The following METTL2A variants were observed in gnomAD, a reference collection of about 807,000 sequenced individuals.
METTL2A encodes tRNA N(3)-cytidine methyltransferase METTL2A.
METTL2A carries 45 observed loss-of-function variants against 49.4 expected under a neutral mutation model. The ratio of observed to expected loss-of-function variants is 0.91; its 90% CI spans 0.72 to 1.17. The LOEUF is 1.17. Ranked by LOEUF, METTL2A falls within the 50% of genes most tolerant of loss-of-function variation. METTL2A has a pLI of 0.00. For synonymous variants in METTL2A, 118 were observed against 167.5 expected, an observed-to-expected ratio of 0.70 and a Z score of 2.28; for missense variants, 361 against 462.2, an observed-to-expected ratio of 0.78 and a Z score of 2.01.
rs753026235 is a variant in METTL2A, at chr17:62,427,752, A to C, written c.559-36A>C. The C allele has an allele frequency of 4.4e-6, 7 of 1,609,174 alleles. No individual in the cohort carries two copies. In the African/African-American group the frequency reaches 8.1e-5, roughly 19 times the overall value. ...TCTAGCTTTAGGGAATTAACTCTGG[A>C]AAGTTCTGTGATTAATAGTTCATTT... On this transcript the variant is annotated intron_variant, in intron 3 of 8. Transcript: ENST00000311506.
intron 5 of METTL2A, among the ~76,000 whole-genome samples, chr17:62,436,122 A>G (rs1200015376): frequency 6.6e-6 from 1 of 152,142 alleles, no homozygotes; most frequent in Non-Finnish European, 1.5e-5. Context: ...GCATACCTGT[A>G]ATTTCAGCTA....
chr17:62,451,100 G>T lies in METTL2A; in HGVS notation c.*2371G>T, dbSNP rs544625677. ...AATCCTAGCATTTTGGGAGCCCAAG[G>T]CAGGAGTTCAAGACCAGGCTGGGTA... On this transcript the variant is annotated 3_prime_UTR_variant, in exon 9 of 9. Coordinates refer to ENST00000311506, the MANE Select transcript of METTL2A (RefSeq NM_181725.4). Among the ~76,000 whole-genome samples the T allele has an allele frequency of 6.6e-6, 1 of 151,498 alleles. No homozygotes were observed. Among genetic ancestry groups the T allele is most frequent in the East Asian group, 2.0e-4 (1 of 5,128 alleles).
Position 62,452,090 on chromosome 17 carries a change from ATAAT to A in METTL2A, c.*3363_*3366del, listed in dbSNP as rs1477723601. Among the ~76,000 whole-genome samples the A allele has an allele frequency of 6.6e-6, 1 of 152,202 alleles. No homozygotes were observed. Among genetic ancestry groups the A allele is most frequent in the Non-Finnish European group, 1.5e-5 (1 of 68,038 alleles). On this transcript the variant is annotated 3_prime_UTR_variant, in exon 9 of 9. Coordinates refer to ENST00000311506, the MANE Select transcript of METTL2A (RefSeq NM_181725.4). ...AAAACAAAAAAAATGTAAAAAATAA[ATAAT>A]TGTATTGAATTTATTAGTTGTGTCT... is the stretch of plus-strand genomic sequence containing the variant.
At chr17:62,430,629 C>A (rs1212374578) in intron 4 of METTL2A, among the ~76,000 whole-genome samples, 1 of 152,156 alleles carries the variant, frequency 6.6e-6, no homozygotes, top group Non-Finnish European at 1.5e-5. Flanking sequence ...TCCTCACATT[C>A]TAGATCAGAA....
Position 62,424,292 on chromosome 17 carries a change from G to A in METTL2A, c.184G>A (p.Val62Met). 6.2e-7 allele frequency: 1 copy of A among 1,613,958 alleles called. No homozygotes were observed. Among genetic ancestry groups the A allele is most frequent in the Non-Finnish European group, 8.5e-7 (1 of 1,179,886 alleles). Residue 62 changes from valine (V) to methionine (M), a missense_variant, in exon 2 of 9, where the codon GTG becomes ATG. By Grantham distance (21) the Val-to-Met change is conservative (BLOSUM62 1). Coordinates refer to ENST00000311506, the MANE Select transcript of METTL2A (RefSeq NM_181725.4). ...AGTCCAGGAGAACAGTATCCAGCGGGTGTGCCAGGAGAAACAAGGTGCGCT... is the reference window on the plus strand; with the variant it reads ...AGTCCAGGAGAACAGTATCCAGCGGATGTGCCAGGAGAAACAAGGTGCGCT... ...RKVQENSIQR[V>M]CQEKQVDYEI...
At position 62,424,181 on chromosome 17, in the gene METTL2A, G is replaced by C. The variant is rs568881186; in HGVS notation, c.111-38G>C. The C allele has an allele frequency of 1.6e-4, 262 of 1,614,064 alleles. 4 individuals carry two copies. The South Asian group carries it at 2.7e-3, about 16-fold the overall frequency. On this transcript the variant is annotated intron_variant, in intron 1 of 8. Transcript: ENST00000311506. ...AGCGACTCACCCTGCCCGCAGCCAGGACGTGAGGCCCCTAAGCTGCCCGTT... is the reference window on the plus strand; with the variant it reads ...AGCGACTCACCCTGCCCGCAGCCAGCACGTGAGGCCCCTAAGCTGCCCGTT...
intron 8 of METTL2A, 136 bp downstream of exon 8, chr17:62,447,902 A>G (rs1311981082): frequency 5.8e-6 from 9 of 1,539,982 alleles, no homozygotes; most frequent in African/African-American, 1.4e-5. Flanking sequence ...CCTGCTGCTC[A>G]CACCCTCTTC....
Position 62,426,636 on chromosome 17 carries a change from C to T in METTL2A, c.540C>T (p.Ala180=). Residue 180 remains alanine (A), a synonymous_variant, in exon 3 of 9, where the codon GCC becomes GCT. Transcript: ENST00000311506. Reference sequence around the variant, plus strand: ...CTGATGAGTTTCCTGGATCCTCAGCCACCTACCGAATACTGGAGGTAACCT... The same window carrying T: ...CTGATGAGTTTCCTGGATCCTCAGCTACCTACCGAATACTGGAGGTAACCT... The part of the protein sequence containing the change: ...ICADEFPGSS[A]TYRILEVGCG... 1 of 1,491,690 alleles carries T rather than the reference C, an allele frequency of 6.7e-7. No individual in the cohort carries two copies. Among genetic ancestry groups the T allele is most frequent in the South Asian group, 1.2e-5 (1 of 82,864 alleles). The allele number at this position is 1,491,690 out of a possible 1,614,324, so 92.4% of individuals were successfully genotyped here.
rs1351474070 is a variant in METTL2A at position 62,451,771 on chromosome 17, C to T, written c.*3042C>T. 1.3e-5 allele frequency among the ~76,000 whole-genome samples: 2 copies of T among 152,044 alleles called. No homozygotes were observed. Among genetic ancestry groups the T allele is most frequent in the African/African-American group, 2.4e-5 (1 of 41,414 alleles). ...CAGGTGTGATGGCGCATGCCTGTAACCCCATCCACTTGGAAGGCTGAGGCA... is the reference window on the plus strand; with the variant it reads ...CAGGTGTGATGGCGCATGCCTGTAATCCCATCCACTTGGAAGGCTGAGGCA... On this transcript the variant is annotated 3_prime_UTR_variant, in exon 9 of 9. Coordinates refer to ENST00000311506, the MANE Select transcript of METTL2A (RefSeq NM_181725.4).
chr17:62,428,568 C>T (rs1467513190), intron 4 of METTL2A, among the ~76,000 whole-genome samples: 1 of 152,170 alleles, frequency 6.6e-6, no homozygotes, highest in African/African-American at 2.4e-5. Context: ...AGCCCTATCT[C>T]CAGTTCAATA....
At chr17:62,444,605 G>A in intron 6 of METTL2A, among the ~76,000 whole-genome samples, 1 of 152,186 alleles carries the variant, frequency 6.6e-6, no homozygotes, top group Non-Finnish European at 1.5e-5. Flanking sequence ...TCTTACGGCA[G>A]AAGCGGGCTG....
intron 7 of METTL2A, among the ~76,000 whole-genome samples, chr17:62,445,265 C>T (rs2070761413): frequency 6.7e-6 from 1 of 150,266 alleles, no homozygotes; most frequent in Admixed American, 6.7e-5. Flanking sequence ...GCACGTTCTG[C>T]ACATGTACCC....
Position 62,444,864 on chromosome 17 carries a change from C to G in METTL2A, c.837C>G (p.Ser279Arg), listed in dbSNP as rs776020175. Residue 279 changes from serine to arginine, a missense_variant, in exon 7 of 9, where the codon AGC (serine) becomes AGG (arginine). Ser to Arg is a moderately radical substitution (Grantham distance 110). This residue lies in a region of METTL2A where 183 missense variants were observed against 216.5 expected (regional missense o/e 0.85). Transcript: ENST00000311506. ...TGCAGAAGGCTATCAACAGGCTGAG[C>G]AGGCTTCTGAAACCTGGCGGGATGA... The part of the protein sequence containing the change: ...DKMQKAINRL[S>R]RLLKPGGMML... 10 of 1,613,902 alleles carry G rather than the reference C, an allele frequency of 6.2e-6. No homozygotes were observed. Among genetic ancestry groups the G allele is most frequent in the Non-Finnish European group, 8.5e-6 (10 of 1,179,884 alleles).
chr17:62,445,824 A>G (rs551806836), intron 7 of METTL2A, among the ~76,000 whole-genome samples: 1 of 152,270 alleles, frequency 6.6e-6, no homozygotes, highest in South Asian at 2.1e-4. Context: ...TTTGAAAGAC[A>G]TAAATAATTT....
chr17:62,431,637 A>G (rs1454166413), intron 4 of METTL2A, among the ~76,000 whole-genome samples: 5 of 151,780 alleles, frequency 3.3e-5, no homozygotes, highest in Non-Finnish European at 5.9e-5. Flanking sequence ...TGTATTTTTC[A>G]TTTGTTTTCT....
rs1166279160 is a variant in METTL2A, at chr17:62,451,672, A to G, written c.*2943A>G. On this transcript the variant is annotated 3_prime_UTR_variant, in exon 9 of 9. Coordinates refer to ENST00000311506, the MANE Select transcript of METTL2A (RefSeq NM_181725.4). ...TTTGAGAGACCAAGGTAGGTGGATCACCTGAGGTCGGGAGTTGGAGACCAG... is the reference window on the plus strand; with the variant it reads ...TTTGAGAGACCAAGGTAGGTGGATCGCCTGAGGTCGGGAGTTGGAGACCAG... Among the ~76,000 whole-genome samples the G allele has an allele frequency of 2.0e-5, 3 of 151,858 alleles. No individual in the cohort carries two copies. Among genetic ancestry groups the G allele is most frequent in the African/African-American group, 7.2e-5 (3 of 41,470 alleles).
chr17:62,451,452 C>A lies in METTL2A; in HGVS notation c.*2723C>A, dbSNP rs150008927. Reference sequence around the variant, plus strand: ...CGTGAGCCACCACGCCCGGCCAAGACCCTGACTTTTTAAAAAATGTTAAAA... The same window carrying A: ...CGTGAGCCACCACGCCCGGCCAAGAACCTGACTTTTTAAAAAATGTTAAAA... On this transcript the variant is annotated 3_prime_UTR_variant, in exon 9 of 9. Transcript: ENST00000311506. 0.021 allele frequency among the ~76,000 whole-genome samples: 3,116 copies of A among 149,632 alleles called. 131 individuals are homozygous for A. The highest frequency in any genetic ancestry group is 0.071 in the African/African-American group (2,933 of 41,022).
intron 5 of METTL2A, among the ~76,000 whole-genome samples, chr17:62,436,075 C>CA (rs34236956): frequency 2.6e-5 from 4 of 151,722 alleles, no homozygotes; most frequent in African/African-American, 7.3e-5. Flanking sequence ...ACTAAAAATA[C>CA]AAAAAAATTA....
intron 2 of METTL2A, among the ~76,000 whole-genome samples, chr17:62,425,654 G>A (rs2144133301): frequency 6.8e-6 from 1 of 146,724 alleles, no homozygotes; most frequent in Middle Eastern, 3.5e-3. Context: ...CAAAGTGCTG[G>A]GATTACAGGC....
Sources: gnomAD v4.1 joint callset for allele counts (sites outside exome capture counted in the v4.1 genomes callset) on GRCh38, gnomAD v4.1.1 for gene constraint, gnomAD v4.1.1 regional missense constraint, MANE v1.5 for transcripts, NCBI Gene and HGNC (gene_info 2026-07-23, HGNC 2026-07-21) for gene names.